The following NID1 variants were observed in gnomAD, a reference collection of about 807,000 sequenced individuals.
The protein encoded by NID1 is nidogen-1.
Under a neutral mutation model 130.6 loss-of-function variants are expected in NID1, and 76 were observed. The observed-to-expected ratio is 0.58, with a 90% CI of 0.48 to 0.70. The LOEUF (loss-of-function observed/expected upper bound fraction) is 0.70. Ranked by LOEUF, NID1 falls within the 30% of genes least tolerant of loss-of-function variation. The pLI is 0.00. For missense variants in NID1, 1,517 were observed against 1,664.8 expected, an observed-to-expected ratio of 0.91 and a Z score of 1.54; for synonymous variants, 665 against 675.1, an observed-to-expected ratio of 0.98 and a Z score of 0.23.
At chr1:236,021,878 T>C (rs763382609) in intron 9 of NID1, among the ~76,000 whole-genome samples, 7 of 152,220 alleles carry the variant, frequency 4.6e-5, no homozygotes, top group Non-Finnish European at 7.3e-5. Flanking sequence ...TACATGAAAG[T>C]ATTTGAACTT....
intron 19 of NID1, among the ~76,000 whole-genome samples, chr1:235,978,404 A>G (rs577844744): frequency 1.3e-5 from 2 of 152,330 alleles, no homozygotes; most frequent in African/African-American, 4.8e-5. Context: ...GAGGCCTTCA[A>G]GAGGCAGCAT....
chr1:236,019,212 C>T (rs191633746), intron 9 of NID1, among the ~76,000 whole-genome samples: 5 of 152,316 alleles, frequency 3.3e-5, no homozygotes, highest in Admixed American at 6.5e-5. Context: ...GCACCCAGCA[C>T]GTTTGGACTT....
chr1:235,984,983 A>T (rs1341842591), intron 15 of NID1, among the ~76,000 whole-genome samples: 1 of 152,042 alleles, frequency 6.6e-6, no homozygotes, highest in African/African-American at 2.4e-5. Flanking sequence ...AGGTCAGGAG[A>T]TAGAGACCAT....
intron 15 of NID1, 31 bp downstream of exon 15, chr1:235,985,348 C>T (rs1226135021): frequency 1.1e-4 from 173 of 1,613,232 alleles, no homozygotes; most frequent in Non-Finnish European, 1.5e-4. Context: ...GAAGCAAAAC[C>T]AAAAAGGAAA....
intron 3 of NID1, 91 bp downstream of exon 3, chr1:236,045,366 C>A: frequency 1.1e-6 from 1 of 883,312 alleles, no homozygotes; most frequent in Non-Finnish European, 1.8e-6. Context: ...TCCATAGGAA[C>A]ATTTTTAGGT....
intron 13 of NID1, among the ~76,000 whole-genome samples, chr1:235,991,505 G>A (rs1657737754): frequency 6.6e-6 from 1 of 152,114 alleles, no homozygotes; most frequent in South Asian, 2.1e-4. Context: ...GTTAATTTTT[G>A]TATTTTTAGC....
At chr1:236,008,572 C>T (rs1658316741) in intron 12 of NID1, among the ~76,000 whole-genome samples, 1 of 152,092 alleles carries the variant, frequency 6.6e-6, no homozygotes, top group Admixed American at 6.6e-5. Context: ...GCAATCTTGG[C>T]TTACTGTGAC....
Position 235,993,271 on chromosome 1 carries a change from G to A in NID1, c.2755+374C>T, listed in dbSNP as rs199886825. Among the ~76,000 whole-genome samples the A allele has an allele frequency of 3.8e-4, 58 of 152,322 alleles. 1 individual carries two copies. Among genetic ancestry groups the A allele is most frequent in the East Asian group, 1.4e-3 (7 of 5,180 alleles). On this transcript the variant is annotated intron_variant, in intron 13 of 19. Transcript: ENST00000264187. ...CCATCCCTGCCATGTCCCAGTGCAG[G>A]AACATTCCACCTCCACGCCTCCCTT...
At chr1:235,983,447 G>C (rs572841070) in intron 15 of NID1, among the ~76,000 whole-genome samples, 11 of 152,156 alleles carry the variant, frequency 7.2e-5, no homozygotes, top group Non-Finnish European at 1.6e-4. Flanking sequence ...ACCTCCAAAG[G>C]TCCCTTCTGG....
chr1:235,987,937 C>T (rs1657620021), intron 14 of NID1, among the ~76,000 whole-genome samples: 1 of 152,140 alleles, frequency 6.6e-6, no homozygotes, highest in Non-Finnish European at 1.5e-5. Context: ...ACTTATCAAA[C>T]TCTTAGAAGA....
chr1:236,042,206 A>G lies in NID1; in HGVS notation c.839T>C (p.Ile280Thr). 1 of 1,613,348 alleles carries G rather than the reference A, an allele frequency of 6.2e-7. No homozygotes were observed. The highest frequency in any genetic ancestry group is 8.5e-7 in the Non-Finnish European group (1 of 1,180,004). ...TTNGVVPADV[I>T]LGTEDGAEYD... is the part of the protein sequence containing the mutation. ...CTCTGCCCCATCTTCAGTTCCGAGG[A>G]TCACGTCTGCAGGCACCACGCCATT... is the stretch of plus-strand genomic sequence containing the variant. Residue 280 changes from isoleucine to threonine, a missense_variant, in exon 4 of 20, where the codon ATC becomes ACC. By Grantham distance (89) the Ile-to-Thr change is moderately conservative. Transcript: ENST00000264187.
chr1:236,033,126 G>A (rs1339969066), intron 5 of NID1, among the ~76,000 whole-genome samples: 1 of 152,108 alleles, frequency 6.6e-6, no homozygotes, highest in Non-Finnish European at 1.5e-5. Context: ...TGGCCAATAC[G>A]GCGAAACCCT....
At chr1:236,057,051 G>A (rs1204214315) in intron 1 of NID1, among the ~76,000 whole-genome samples, 2 of 152,158 alleles carry the variant, frequency 1.3e-5, no homozygotes, top group African/African-American at 4.8e-5. Flanking sequence ...CTGAGGTCAG[G>A]AGTTTGAGGC....
At chr1:235,985,252 A>G in intron 15 of NID1, 127 bp downstream of exon 15, 1 of 951,368 alleles carries the variant, frequency 1.1e-6, no homozygotes, top group East Asian at 2.5e-5. Flanking sequence ...TTATCGTAGT[A>G]ATGCAACAAA....
chr1:235,990,968 G>A lies in NID1; in HGVS notation c.2846C>T (p.Ala949Val), dbSNP rs765322640. 3 of 1,614,020 alleles carry A rather than the reference G, an allele frequency of 1.9e-6. No homozygotes were observed. The South Asian group carries it at 3.3e-5, about 18-fold the overall frequency. ...CAGGCGCTCAATCTTCCCAGTCTGG[G>A]CAAAGAGTAAATGGGTCCCAGGAGG... ...PLPPGTHLLF[A>V]QTGKIERLPL... Residue 949 changes from alanine (A) to valine (V), a missense_variant, in exon 14 of 20, where the codon GCC becomes GTC. By Grantham distance (64) the Ala-to-Val change is moderately conservative. This residue lies in a region of NID1 where 1,329 missense variants were observed against 1,429.2 expected (regional missense o/e 0.93). Coordinates refer to ENST00000264187, the MANE Select transcript of NID1 (RefSeq NM_002508.3).
chr1:236,040,249 T>C (rs770814471), intron 4 of NID1, among the ~76,000 whole-genome samples: 6 of 152,136 alleles, frequency 3.9e-5, no homozygotes, highest in Non-Finnish European at 5.9e-5. Context: ...CTGAGCAATG[T>C]AAGCATCACC....
chr1:236,017,076 A>T (rs1425407610), intron 10 of NID1, 72 bp downstream of exon 10: 17 of 1,600,792 alleles, frequency 1.1e-5, no homozygotes, highest in Non-Finnish European at 1.4e-5. Context: ...TTTACCTGGG[A>T]CCAGAACTTT....
At chr1:236,013,807 A>C (rs887397226) in intron 10 of NID1, among the ~76,000 whole-genome samples, 1 of 151,602 alleles carries the variant, frequency 6.6e-6, no homozygotes, top group Non-Finnish European at 1.5e-5. Context: ...ACCTGGCTTG[A>C]CCTCAGTTTC....
Position 236,041,996 on chromosome 1 carries a change from G to C in NID1, c.1049C>G (p.Thr350Ser). 3 of 1,614,184 alleles carry C rather than the reference G, an allele frequency of 1.9e-6. No homozygotes were observed. The highest frequency in any genetic ancestry group is 3.3e-4 in the Middle Eastern group (2 of 6,062). Residue 350 changes from threonine to serine, a missense_variant, in exon 4 of 20, where the codon ACC (threonine) becomes AGC (serine). Transcript: ENST00000264187. The part of the protein sequence containing the change: ...ERPLGPPTER[T>S]RSFQLAVETF... ...CTCCACTGCCAACTGGAAAGACCTG[G>C]TTCTCTCTGTGGGAGGTCCAAGGGG...
Sources: gnomAD v4.1 joint callset for allele counts (sites outside exome capture counted in the v4.1 genomes callset) on GRCh38, gnomAD v4.1.1 for gene constraint, gnomAD v4.1.1 regional missense constraint, MANE v1.5 for transcripts, NCBI Gene and HGNC (gene_info 2026-07-23, HGNC 2026-07-21) for gene names.